Variants in MME observed in about 807,000 individuals in gnomAD.
MME encodes the protein membrane metalloendopeptidase, also known as neprilysin.
MME carries 98 observed loss-of-function variants against 113.2 expected under a neutral mutation model. The observed-to-expected ratio is 0.87, with a 90% CI of 0.74 to 1.02. The LOEUF (loss-of-function observed/expected upper bound fraction) is 1.02, where lower values mean the gene tolerates loss of function less well. MME is among the 50% of genes least tolerant of loss of function. The pLI is 0.00. For synonymous variants in MME, 292 were observed against 300.6 expected, an observed-to-expected ratio of 0.97 and a Z score of 0.30; for missense variants, 836 against 896.0, an observed-to-expected ratio of 0.93 and a Z score of 0.86.
chr3:155,086,967 G>C (rs963471046), intron 3 of MME, among the ~76,000 whole-genome samples: 13 of 151,238 alleles, frequency 8.6e-5, no homozygotes, highest in African/African-American at 2.7e-4. Context: ...ACCATTCCTG[G>C]CTAGGTTGTG....
chr3:155,090,143 T>A (rs1479795015), intron 3 of MME: 3 of 157,400 alleles, frequency 1.9e-5, no homozygotes, highest in Non-Finnish European at 4.2e-5. Flanking sequence ...TATTTGTCGA[T>A]GGCAGCCTTG....
rs150065330 is a variant in MME at position 155,111,888 on chromosome 3, T to C, written c.197-3106T>C. 2.6e-3 allele frequency among the ~76,000 whole-genome samples: 398 copies of C among 152,302 alleles called. 2 individuals are homozygous for C. Among genetic ancestry groups the C allele is most frequent in the Non-Finnish European group, 2.4e-3 (164 of 68,012 alleles). ...AAGAGTTATATATTGCTAAGTGTGT[T>C]CTTAGAATGTCTGTAGTTAGCACTT... On this transcript the variant is annotated intron_variant, in intron 3 of 22. Transcript: ENST00000360490.
chr3:155,025,717 G>A (rs1712759019), intron 1 of MME, among the ~76,000 whole-genome samples: 2 of 102,366 alleles, frequency 2.0e-5, no homozygotes, highest in East Asian at 3.0e-4. Context: ...TTTTGAGACA[G>A]AGTTTCACTC....
chr3:155,114,712 C>G (rs1056799421), intron 3 of MME, among the ~76,000 whole-genome samples: 5 of 152,112 alleles, frequency 3.3e-5, no homozygotes, highest in African/African-American at 1.2e-4. Flanking sequence ...GAGATAGGAA[C>G]TAGCCAGAAA....
intron 1 of MME, among the ~76,000 whole-genome samples, chr3:155,062,142 C>T (rs555076884): frequency 1.3e-5 from 2 of 152,140 alleles, no homozygotes; most frequent in South Asian, 2.1e-4. Flanking sequence ...AAATAGTATA[C>T]TTGCCTCATC....
At chr3:155,051,845 C>T (rs1219537432) in intron 1 of MME, among the ~76,000 whole-genome samples, 1 of 152,154 alleles carries the variant, frequency 6.6e-6, no homozygotes, top group Non-Finnish European at 1.5e-5. Context: ...CCAGCATTAA[C>T]TCAAAAGTCC....
intron 3 of MME, 150 bp from the exon 4 acceptor site, chr3:155,114,844 C>A: frequency 1.3e-6 from 1 of 744,662 alleles, no homozygotes; most frequent in East Asian, 2.6e-5. Flanking sequence ...GATAGTATTC[C>A]TCATCCCCCT....
chr3:155,074,235 T>A (rs1714671342), intron 1 of MME, among the ~76,000 whole-genome samples: 1 of 152,206 alleles, frequency 6.6e-6, no homozygotes, highest in African/African-American at 2.4e-5. Context: ...CTAAGTTATA[T>A]GCTCACCTCA....
chr3:155,074,434 T>C (rs115650381), intron 1 of MME, among the ~76,000 whole-genome samples: 2,487 of 152,094 alleles, frequency 0.016, 41 homozygotes, highest in Admixed American at 0.024. Context: ...TTCCTTTCTT[T>C]CTTTCTTTTT....
At chr3:155,161,238 G>T (rs1029330007) in intron 17 of MME, among the ~76,000 whole-genome samples, 2 of 151,686 alleles carry the variant, frequency 1.3e-5, no homozygotes, top group South Asian at 4.2e-4. Context: ...GCATTAGAAA[G>T]GTACTCAACT....
chr3:155,049,411 C>A (rs1220906549), intron 1 of MME, among the ~76,000 whole-genome samples: 1 of 152,032 alleles, frequency 6.6e-6, no homozygotes, highest in South Asian at 2.1e-4. Flanking sequence ...TTGCCAGAAA[C>A]CACCAGAGGC....
chr3:155,113,446 A>AT (rs1426938382), intron 3 of MME, among the ~76,000 whole-genome samples: 1 of 151,968 alleles, frequency 6.6e-6, no homozygotes, highest in African/African-American at 2.4e-5. Context: ...TGGGCAGCTA[A>AT]TTTTTGTATT....
At chr3:155,169,507 TA>T (rs1711672780) in intron 20 of MME, among the ~76,000 whole-genome samples, 1 of 152,114 alleles carries the variant, frequency 6.6e-6, no homozygotes, top group Non-Finnish European at 1.5e-5. Flanking sequence ...GAGCAAGGGT[TA>T]AAAAATAGTC....
chr3:155,160,330 T>G, intron 16 of MME, 60 bp from the exon 17 acceptor site: 1 of 1,082,136 alleles, frequency 9.2e-7, no homozygotes, highest in Non-Finnish European at 1.4e-6. Context: ...TTTAATTGTG[T>G]GAGTGGGTTG....
intron 9 of MME, among the ~76,000 whole-genome samples, chr3:155,139,110 G>C (rs1720862923): frequency 6.6e-6 from 1 of 152,072 alleles, no homozygotes; most frequent in South Asian, 2.1e-4. Context: ...GGTGTTCTTG[G>C]AGCTGCCACT....
intron 1 of MME, chr3:155,081,188 T>C (rs532754123): frequency 1.3e-5 from 2 of 152,334 alleles, no homozygotes; most frequent in East Asian, 3.9e-4. Context: ...ATAGCACAGC[T>C]TCAGGAACCT....
At chr3:155,059,951 T>C (rs1490846925) in intron 1 of MME, among the ~76,000 whole-genome samples, 1 of 152,126 alleles carries the variant, frequency 6.6e-6, no homozygotes, top group African/African-American at 2.4e-5. Context: ...CTGAGTAGAT[T>C]TTGTTGGGCA....
At chr3:155,153,898 C>A (rs773430747) in intron 16 of MME, among the ~76,000 whole-genome samples, 17 of 152,134 alleles carry the variant, frequency 1.1e-4, no homozygotes, top group Admixed American at 4.6e-4. Flanking sequence ...AGTCTATGAT[C>A]TTAAGGGGCA....
At position 155,062,928 on chromosome 3, in the gene MME, C is replaced by T. The variant is rs557414042; in HGVS notation, c.-10-21230C>T. Among the ~76,000 whole-genome samples the T allele has an allele frequency of 7.4e-5, 11 of 148,798 alleles. No homozygotes were observed. In the East Asian group the frequency reaches 9.9e-4, roughly 13 times the overall value. On this transcript the variant is annotated intron_variant, in intron 1 of 22. Transcript: ENST00000492661. ...GCACATGCCTGTAATCCCAGCTACTCGGAAGGCTGAGGCAGGAGAATCACT... is the reference window on the plus strand; with the variant it reads ...GCACATGCCTGTAATCCCAGCTACTTGGAAGGCTGAGGCAGGAGAATCACT...
Sources: allele counts gnomAD v4.1 joint callset (sites outside exome capture counted in the v4.1 genomes callset), GRCh38; gene constraint gnomAD v4.1.1; transcripts MANE v1.5; gene names NCBI Gene and HGNC (gene_info 2026-07-23, HGNC 2026-07-21).